The following CACNA2D2 variants were observed in gnomAD, a reference collection of about 807,000 sequenced individuals.
CACNA2D2 encodes the protein calcium voltage-gated channel auxiliary subunit alpha2delta 2, also known as voltage-dependent calcium channel subunit alpha-2/delta-2.
CACNA2D2 carries 48 observed loss-of-function variants against 166.4 expected under a neutral mutation model. The ratio of observed to expected loss-of-function variants is 0.29; its 90% CI spans 0.23 to 0.37. CACNA2D2 has a LOEUF of 0.37. Ranked by LOEUF, CACNA2D2 falls within the 10% of genes least tolerant of loss-of-function variation. The pLI is 1.00. For synonymous variants in CACNA2D2, 561 were observed against 573.7 expected, an observed-to-expected ratio of 0.98 and a Z score of 0.32; for missense variants, 1,122 against 1,433.0, an observed-to-expected ratio of 0.78 and a Z score of 3.50.
intron 2 of CACNA2D2, among the ~76,000 whole-genome samples, chr3:50,435,447 A>G (rs1219192526): frequency 6.6e-6 from 1 of 151,962 alleles, no homozygotes; most frequent in Non-Finnish European, 1.5e-5. Flanking sequence ...GAGGTCACAG[A>G]ATAGGCTGCC....
At chr3:50,428,089 G>C (rs555239200) in intron 3 of CACNA2D2, among the ~76,000 whole-genome samples, 1 of 152,100 alleles carries the variant, frequency 6.6e-6, no homozygotes, top group Non-Finnish European at 1.5e-5. Context: ...TCTCTGTCCC[G>C]TTAGGCCAGT....
intron 2 of CACNA2D2, among the ~76,000 whole-genome samples, chr3:50,472,101 G>A (rs374859098): frequency 5.9e-5 from 9 of 152,270 alleles, no homozygotes; most frequent in African/African-American, 1.4e-4. Context: ...GGGCGGCCCC[G>A]GGTAGCTCCT....
intron 5 of CACNA2D2, among the ~76,000 whole-genome samples, chr3:50,387,079 G>A (rs1030908402): frequency 6.6e-6 from 1 of 152,174 alleles, no homozygotes; most frequent in Non-Finnish European, 1.5e-5. Flanking sequence ...GTCAGTCCCA[G>A]TGCCACCACT....
At chr3:50,415,483 G>A (rs1009102770) in intron 3 of CACNA2D2, among the ~76,000 whole-genome samples, 1 of 152,222 alleles carries the variant, frequency 6.6e-6, no homozygotes. Flanking sequence ...GAGAGCCGCT[G>A]AAGATCGGAT....
rs1412284749 is a variant in CACNA2D2, at chr3:50,379,036, G to A, written c.1261-43C>T. ...TTACTGCTGTGGCCACCAGGGGACAGCCCTCTTCTGTACTGGGCCCAGGTC... is the reference window on the plus strand; with the variant it reads ...TTACTGCTGTGGCCACCAGGGGACAACCCTCTTCTGTACTGGGCCCAGGTC... On this transcript the variant is annotated intron_variant, in intron 12 of 37. Coordinates refer to ENST00000424201, the MANE Select transcript of CACNA2D2 (RefSeq NM_006030.4). This position sits in a 1 kb window ranked among gnomAD's most constrained non-coding sequence, Gnocchi z 6.5. 1 of 1,613,340 alleles carries A rather than the reference G, an allele frequency of 6.2e-7. No homozygotes were observed. The highest frequency in any genetic ancestry group is 1.7e-5 in the Admixed American group (1 of 60,008).
At chr3:50,405,662 C>T (rs944272878) in intron 3 of CACNA2D2, among the ~76,000 whole-genome samples, 27 of 152,160 alleles carry the variant, frequency 1.8e-4, no homozygotes, top group African/African-American at 5.6e-4. Flanking sequence ...TTACTAAACA[C>T]ACCACAGGCA....
At chr3:50,387,881 G>A (rs1260329725) in intron 4 of CACNA2D2, among the ~76,000 whole-genome samples, 1 of 152,344 alleles carries the variant, frequency 6.6e-6, no homozygotes, top group Non-Finnish European at 1.5e-5. Context: ...CAGGGGCCAA[G>A]TGTCCTGGGC....
chr3:50,390,799 C>A (rs1306655797), intron 4 of CACNA2D2, among the ~76,000 whole-genome samples: 3 of 152,164 alleles, frequency 2.0e-5, no homozygotes, highest in African/African-American at 7.2e-5. Flanking sequence ...TCTCAGGGAA[C>A]AAGCTGAGGA....
intron 22 of CACNA2D2, among the ~76,000 whole-genome samples, chr3:50,373,941 G>C (rs1470409189): frequency 5.4e-5 from 1 of 18,664 alleles, no homozygotes; most frequent in Non-Finnish European, 1.1e-4. Flanking sequence ...GAAGAGAGAG[G>C]AAAGAGGGGA....
chr3:50,425,915 A>G (rs766163979), intron 3 of CACNA2D2, among the ~76,000 whole-genome samples: 29 of 152,174 alleles, frequency 1.9e-4, no homozygotes, highest in Admixed American at 1.3e-4. Flanking sequence ...CCCAGCCTGC[A>G]CTTGGAGCCT....
Position 50,363,466 on chromosome 3 carries a change from C to CTGTGTGTG in CACNA2D2, c.*1192_*1199dup, listed in dbSNP as rs10575478. 5 of 352,882 alleles carry CTGTGTGTG rather than the reference C, an allele frequency of 1.4e-5. No homozygotes were observed. Among genetic ancestry groups the CTGTGTGTG allele is most frequent in the South Asian group, 1.5e-4 (1 of 6,604 alleles). The allele number at this position is 352,882 out of a possible 1,614,324, so 21.9% of individuals were successfully genotyped here. On this transcript the variant is annotated 3_prime_UTR_variant, in exon 38 of 38. Transcript: ENST00000424201. ...GTGAAGAGCTGTGCCCAGTCCCCAC[C>CTGTGTGTG]TGTGTGTGTGTGTGTGTGTGTGTGT...
intron 2 of CACNA2D2, among the ~76,000 whole-genome samples, chr3:50,456,505 T>C (rs1251925472): frequency 6.6e-6 from 1 of 152,204 alleles, no homozygotes; most frequent in Non-Finnish European, 1.5e-5. Flanking sequence ...GCTTGCTAGG[T>C]GGCTGAGAGT....
At chr3:50,443,242 G>A (rs1222458323) in intron 2 of CACNA2D2, among the ~76,000 whole-genome samples, 2 of 152,158 alleles carry the variant, frequency 1.3e-5, no homozygotes, top group Non-Finnish European at 2.9e-5. Flanking sequence ...GTTTGTGTCG[G>A]CGTCTGGGCC....
intron 2 of CACNA2D2, among the ~76,000 whole-genome samples, chr3:50,443,767 G>A (rs1026381510): frequency 6.6e-6 from 1 of 152,262 alleles, no homozygotes; most frequent in Non-Finnish European, 1.5e-5. Flanking sequence ...CTTCGGATGT[G>A]TAAAATGGGT....
At chr3:50,501,544 C>G (rs766209179) in intron 1 of CACNA2D2, among the ~76,000 whole-genome samples, 2 of 152,252 alleles carry the variant, frequency 1.3e-5, no homozygotes, top group Non-Finnish European at 2.9e-5. Flanking sequence ...TAGGTGCCTA[C>G]TCTGGTCAGG....
chr3:50,501,960 C>T (rs1174521008), intron 1 of CACNA2D2, among the ~76,000 whole-genome samples: 2 of 152,142 alleles, frequency 1.3e-5, no homozygotes, highest in Non-Finnish European at 2.9e-5. Flanking sequence ...CAACTGATCA[C>T]CTGCCTGAGC....
Position 50,379,526 on chromosome 3 carries a change from T to C in CACNA2D2, c.1058A>G (p.Lys353Arg). 2 of 1,614,002 alleles carry C rather than the reference T, an allele frequency of 1.2e-6. No homozygotes were observed. The highest frequency in any genetic ancestry group is 2.2e-5 in the South Asian group (2 of 91,082). Reference protein sequence around the residue: ...THLVQANVRNKKVFKEAVQGM... With the variant: ...THLVQANVRNRKVFKEAVQGM... Reference sequence around the variant, plus strand: ...CTGCACAGCTTCCTTGAACACCTTCTTGTTGCGCACATTGGCCTGCACCAG... The same window carrying C: ...CTGCACAGCTTCCTTGAACACCTTCCTGTTGCGCACATTGGCCTGCACCAG... Residue 353 changes from lysine (K) to arginine (R), a missense_variant, in exon 11 of 38, where the codon AAG becomes AGG. By Grantham distance (26) the Lys-to-Arg change is conservative (BLOSUM62 2). This residue lies in a region of CACNA2D2 where 840 missense variants were observed against 1,166.8 expected (regional missense o/e 0.72). Transcript: ENST00000424201. The surrounding 1 kb of genome is among the most constrained non-coding windows in gnomAD (Gnocchi z 6.5).
intron 22 of CACNA2D2, among the ~76,000 whole-genome samples, chr3:50,371,936 C>T (rs1307467023): frequency 6.6e-6 from 1 of 152,004 alleles, no homozygotes; most frequent in Non-Finnish European, 1.5e-5. Flanking sequence ...CCCCCACCCC[C>T]GCCCTGGCCA....
intron 5 of CACNA2D2, 93 bp from the exon 6 acceptor site, chr3:50,384,430 C>T: frequency 7.0e-7 from 1 of 1,422,314 alleles, no homozygotes; most frequent in Non-Finnish European, 9.7e-7. Context: ...GGGCCAGAGT[C>T]CAGGAGATAG....
Sources: allele counts gnomAD v4.1 joint callset (sites outside exome capture counted in the v4.1 genomes callset), GRCh38; gene constraint gnomAD v4.1.1; regional missense constraint gnomAD v4.1.1; non-coding constraint Gnocchi (gnomAD v3.1); transcripts MANE v1.5; gene names NCBI Gene and HGNC (gene_info 2026-07-23, HGNC 2026-07-21).